IFT122: variants seen among roughly 807,000 people sequenced by gnomAD.
IFT122 encodes the protein intraflagellar transport protein 122 homolog.
A neutral mutation model predicts 161.6 loss-of-function variants in IFT122; 118 were observed. The ratio of observed to expected loss-of-function variants is 0.73; its 90% CI spans 0.63 to 0.85. The LOEUF (loss-of-function observed/expected upper bound fraction) is 0.85, where lower values mean the gene tolerates loss of function less well. IFT122 is among the 40% of genes least tolerant of loss of function. The pLI is 0.00. For missense variants in IFT122, 1,381 were observed against 1,579.6 expected (o/e 0.87, Z 2.13); for synonymous variants, 550 against 602.4 (o/e 0.91, Z 1.27).
At chr3:129,501,592 T>C (rs2081555502) in intron 19 of IFT122, among the ~76,000 whole-genome samples, 1 of 152,250 alleles carries the variant, frequency 6.6e-6, no homozygotes, top group African/African-American at 2.4e-5. Flanking sequence ...TGTTCTCTCT[T>C]CTGGTTTTTC....
intron 3 of IFT122, among the ~76,000 whole-genome samples, chr3:129,457,393 C>T (rs1470943095): frequency 6.6e-6 from 1 of 152,206 alleles, no homozygotes; most frequent in Admixed American, 6.5e-5. Flanking sequence ...AGAGATCCTT[C>T]CACAACCCAC....
At chr3:129,479,646 TGGGGTC>T in intron 12 of IFT122, 133 bp from the exon 13 acceptor site, 1 of 1,029,638 alleles carries the variant, frequency 9.7e-7, no homozygotes, top group Non-Finnish European at 1.5e-6. Flanking sequence ...ATGCCAATCG[TGGGGTC>T]TACATTGGGT....
At chr3:129,462,444 A>G (rs2076298995) in intron 5 of IFT122, among the ~76,000 whole-genome samples, 1 of 152,190 alleles carries the variant, frequency 6.6e-6, no homozygotes, top group Non-Finnish European at 1.5e-5. Flanking sequence ...CCTACTGATG[A>G]AAAAGAGGTA....
intron 3 of IFT122, among the ~76,000 whole-genome samples, chr3:129,455,170 G>GT (rs1043147143): frequency 1.3e-5 from 2 of 150,726 alleles, no homozygotes; most frequent in South Asian, 2.1e-4. Flanking sequence ...AGTTCATTAA[G>GT]TTTTTTTTGT....
rs6781426 is a variant in IFT122 at position 129,479,566 on chromosome 3, G to T, written c.1351-219G>T. ...CTCTGGCCTAGGCTGCCTGGGTGGGGGTTTGCATTGAAGATCTGAGGCTGA... is the reference window on the plus strand; with the variant it reads ...CTCTGGCCTAGGCTGCCTGGGTGGGTGTTTGCATTGAAGATCTGAGGCTGA... On this transcript the variant is annotated intron_variant, in intron 12 of 29. Coordinates refer to ENST00000348417, the MANE Select transcript of IFT122 (RefSeq NM_052989.3). Among the ~76,000 whole-genome samples the T allele has an allele frequency of 0.025, 3,738 of 152,260 alleles. 136 individuals are homozygous for T. Among genetic ancestry groups the T allele is most frequent in the African/African-American group, 0.082 (3,396 of 41,530 alleles).
Position 129,469,374 on chromosome 3 carries a change from A to ACATC in IFT122, c.774_775insATCC (p.Trp259IlefsTer25). ...CGTAATGACATCCTGGCTGTGGCTG[A>ACATC]CTGGGGACAGAAAGTTTCCTTCTAC... On this transcript the variant is annotated frameshift_variant, in exon 9 of 30. Coordinates refer to ENST00000348417, the MANE Select transcript of IFT122 (RefSeq NM_052989.3). LOFTEE classifies it high-confidence loss of function. 3 of 1,614,114 alleles carry ACATC rather than the reference A, an allele frequency of 1.9e-6. No homozygotes were observed. The highest frequency in any genetic ancestry group is 1.7e-6 in the Non-Finnish European group (2 of 1,179,994).
At chr3:129,460,961 G>T (rs2076152594) in intron 4 of IFT122, 1 of 1,603,832 alleles carries the variant, frequency 6.2e-7, no homozygotes, top group African/African-American at 1.3e-5. Context: ...CAAGGTGGGA[G>T]GATTGATTGC....
chr3:129,499,488 G>C (rs962182187), intron 18 of IFT122, among the ~76,000 whole-genome samples: 11 of 152,220 alleles, frequency 7.2e-5, no homozygotes, highest in Admixed American at 2.6e-4. Flanking sequence ...TGTGCACCAG[G>C]TTGTCTCATT....
intron 3 of IFT122, 188 bp downstream of exon 3, chr3:129,452,186 C>G: frequency 1.7e-6 from 1 of 586,270 alleles, no homozygotes; most frequent in Admixed American, 2.4e-5. Context: ...ATCTATGTTC[C>G]AGGCACTGTT....
intron 23 of IFT122, among the ~76,000 whole-genome samples, chr3:129,509,031 T>G (rs577539049): frequency 6.6e-6 from 1 of 152,302 alleles, no homozygotes; most frequent in South Asian, 2.1e-4. Context: ...TCATGACCTT[T>G]TTTTGGTGCA....
intron 1 of IFT122, among the ~76,000 whole-genome samples, chr3:129,446,263 C>T (rs553105435): frequency 2.6e-5 from 4 of 151,280 alleles, no homozygotes; most frequent in South Asian, 2.1e-4. Flanking sequence ...CTCACTCTGT[C>T]GCCCAGGCTG....
intron 26 of IFT122, 148 bp downstream of exon 26, chr3:129,515,747 T>C: frequency 1.3e-6 from 1 of 746,672 alleles, no homozygotes; most frequent in South Asian, 1.5e-5. Context: ...GACGCCCACC[T>C]ACCTGACACA....
In IFT122 at chr3:129,515,612, A is replaced by T. The variant is rs376934499; in HGVS notation, c.3265+13A>T. 1.4e-6 allele frequency: 2 copies of T among 1,442,276 alleles called. No individual in the cohort carries two copies. The highest frequency in any genetic ancestry group is 3.4e-5 in the Admixed American group (2 of 59,630). 89.3% of individuals were successfully genotyped at this position (1,442,276 alleles called of 1,614,324 possible). ...GCCTCTTCCTACGGTGAGTCCCTGC[A>T]TCCTGAGCATGTGGGTGGGACAGCC... is the stretch of plus-strand genomic sequence containing the variant. On this transcript the variant is annotated intron_variant, in intron 26 of 29. Transcript: ENST00000348417.
rs2084413243 is a variant in IFT122, at chr3:129,519,159, C to T, written c.3444C>T (p.Asp1148=). Reference sequence around the variant, plus strand: ...CCAAGGACTCCATCGGAGATGAGGACCCGTTCACAGCTAAGCTGAGCTTTG... The same window carrying T: ...CCAAGGACTCCATCGGAGATGAGGATCCGTTCACAGCTAAGCTGAGCTTTG... ...VETKDSIGDE[D]PFTAKLSFEQ... is the part of the protein sequence containing the mutation. Residue 1148 remains aspartate, a synonymous_variant, in exon 28 of 30, where the codon GAC becomes GAT. Transcript: ENST00000348417. The T allele has an allele frequency of 1.2e-6, 2 of 1,614,124 alleles. No homozygotes were observed. The highest frequency in any genetic ancestry group is 1.6e-4 in the Middle Eastern group (1 of 6,062).
intron 17 of IFT122, among the ~76,000 whole-genome samples, chr3:129,494,965 T>C (rs1342857160): frequency 6.6e-6 from 1 of 152,166 alleles, no homozygotes; most frequent in Non-Finnish European, 1.5e-5. Flanking sequence ...TTTCTTACCT[T>C]CTCTTTAGAA....
intron 12 of IFT122, among the ~76,000 whole-genome samples, chr3:129,479,311 C>T (rs1448646043): frequency 2.0e-5 from 3 of 151,620 alleles, no homozygotes; most frequent in African/African-American, 4.8e-5. Flanking sequence ...GTGGCGCTTG[C>T]CTGTAGTCCC....
intron 24 of IFT122, chr3:129,514,180 G>C: frequency 1.4e-6 from 1 of 696,126 alleles, no homozygotes; most frequent in Non-Finnish European, 2.6e-6. Flanking sequence ...AAACTACGCT[G>C]TTTTTATCTT....
chr3:129,466,006 A>G (rs541997876), intron 7 of IFT122, among the ~76,000 whole-genome samples: 3 of 152,118 alleles, frequency 2.0e-5, no homozygotes, highest in African/African-American at 7.2e-5. Flanking sequence ...ACAGGGTTTC[A>G]CCATGTTGGC....
intron 26 of IFT122, among the ~76,000 whole-genome samples, chr3:129,516,780 A>ATG (rs2083825253): frequency 7.5e-6 from 1 of 133,928 alleles, no homozygotes; most frequent in Non-Finnish European, 1.6e-5. Flanking sequence ...ACAGACACAC[A>ATG]GAGACCGCTC....
Sources: gnomAD v4.1 joint callset for allele counts (sites outside exome capture counted in the v4.1 genomes callset) on GRCh38, gnomAD v4.1.1 for gene constraint, MANE v1.5 for transcripts, NCBI Gene and HGNC (gene_info 2026-07-23, HGNC 2026-07-21) for gene names.